The following RFX4 variants were observed in gnomAD, a reference collection of about 807,000 sequenced individuals.
RFX4 encodes the protein transcription factor RFX4.
In RFX4, 10 loss-of-function variants were observed where a neutral mutation model predicts 95.0. The ratio of observed to expected loss-of-function variants is 0.11; its 90% confidence interval spans 0.06 to 0.18. The LOEUF (loss-of-function observed/expected upper bound fraction) is 0.18, where lower values mean the gene tolerates loss of function less well. RFX4 is among the 10% of genes least tolerant of loss of function. The pLI is 1.00. For missense variants in RFX4, 640 were observed against 922.0 expected (o/e 0.69, Z 3.96); for synonymous variants, 321 against 340.7 (o/e 0.94, Z 0.64).
At chr12:106,644,425 G>C (rs1035352731) in intron 3 of RFX4, among the ~76,000 whole-genome samples, 1 of 151,984 alleles carries the variant, frequency 6.6e-6, no homozygotes, top group Non-Finnish European at 1.5e-5. Flanking sequence ...TAGAGATGGG[G>C]TTTTACCATG....
chr12:106,699,240 T>G (rs2041941680), intron 8 of RFX4, among the ~76,000 whole-genome samples: 1 of 152,174 alleles, frequency 6.6e-6, no homozygotes, highest in Non-Finnish European at 1.5e-5. Context: ...ATTAATAATT[T>G]CTAGTTTAAT....
intron 2 of RFX4, among the ~76,000 whole-genome samples, chr12:106,624,615 C>T (rs1192445211): frequency 6.6e-6 from 1 of 152,154 alleles, no homozygotes; most frequent in Non-Finnish European, 1.5e-5. Flanking sequence ...GCGTGAGCCA[C>T]CTCGCCCGGG....
chr12:106,720,124 C>A lies in RFX4; in HGVS notation c.1233+70C>A. 1.5e-6 allele frequency: 2 copies of A among 1,292,674 alleles called. No individual in the cohort carries two copies. The highest frequency in any genetic ancestry group is 2.2e-6 in the Non-Finnish European group (2 of 889,210). The allele number at this position is 1,292,674 out of a possible 1,614,324, so 80.1% of individuals were successfully genotyped here. On this transcript the variant is annotated intron_variant, in intron 12 of 17. Coordinates refer to ENST00000392842, the MANE Select transcript of RFX4 (RefSeq NM_213594.3). The surrounding 1 kb of genome is among the most constrained non-coding windows in gnomAD (Gnocchi z 4.2). ...CACCACTGCCCTCTGTGAACTTGGC[C>A]AAGACAAAGCCCTATGGTAAGCTAT...
intron 1 of RFX4, among the ~76,000 whole-genome samples, chr12:106,604,716 G>A (rs535307730): frequency 4.4e-4 from 67 of 152,220 alleles, no homozygotes; most frequent in African/African-American, 1.6e-3. Flanking sequence ...GAATAAAACG[G>A]GCTCCATTAT....
At chr12:106,651,094 C>T (rs2040848882) in intron 3 of RFX4, among the ~76,000 whole-genome samples, 1 of 152,030 alleles carries the variant, frequency 6.6e-6, no homozygotes, top group African/African-American at 2.4e-5. Context: ...TTAAAGACTC[C>T]CTCCACCTCC....
intron 1 of RFX4, chr12:106,601,223 CGCCACT>C: frequency 1.3e-5 from 20 of 1,548,922 alleles, no homozygotes; most frequent in Non-Finnish European, 1.7e-5. Flanking sequence ...TCCTGTGTGT[CGCCACT>C]GCCACCGGCA....
chr12:106,700,438 G>A (rs1479241990), intron 8 of RFX4, among the ~76,000 whole-genome samples: 22 of 124,996 alleles, frequency 1.8e-4, no homozygotes, highest in African/African-American at 5.6e-4. Context: ...ACGGAGTCTC[G>A]CTCTGTCGCC....
At chr12:106,655,824 G>C (rs1410378012) in intron 4 of RFX4, among the ~76,000 whole-genome samples, 4 of 152,182 alleles carry the variant, frequency 2.6e-5, no homozygotes. Flanking sequence ...TGTTTACTCA[G>C]TCATCCAATA....
intron 8 of RFX4, 31 bp downstream of exon 8, chr12:106,696,477 G>T (rs747968323): frequency 6.2e-7 from 1 of 1,612,378 alleles, no homozygotes; most frequent in East Asian, 2.2e-5. Context: ...CTTCCTTCAC[G>T]GCTGGTCCAC....
chr12:106,758,301 C>G (rs534042701), intron 17 of RFX4, among the ~76,000 whole-genome samples: 7 of 152,330 alleles, frequency 4.6e-5, no homozygotes, highest in Admixed American at 2.0e-4. Flanking sequence ...TCAATGGTCT[C>G]TTCACTACAG....
At chr12:106,759,180 G>A (rs2043166203) in intron 17 of RFX4, among the ~76,000 whole-genome samples, 1 of 152,210 alleles carries the variant, frequency 6.6e-6, no homozygotes, top group South Asian at 2.1e-4. Flanking sequence ...GTCTCTCCGA[G>A]GAGGTGACAT....
At chr12:106,594,867 CAG>C (rs2039595977) in intron 1 of RFX4, among the ~76,000 whole-genome samples, 1 of 149,986 alleles carries the variant, frequency 6.7e-6, no homozygotes, top group Non-Finnish European at 1.5e-5. Context: ...TGATGATAAA[CAG>C]AGCATTTTGA....
At chr12:106,721,062 A>G (rs1349664562) in intron 13 of RFX4, among the ~76,000 whole-genome samples, 186 bp downstream of exon 13, 1 of 152,190 alleles carries the variant, frequency 6.6e-6, no homozygotes, top group Non-Finnish European at 1.5e-5. Flanking sequence ...CTAAAGGTGG[A>G]GTATCAATCT....
chr12:106,742,299 G>T (rs1046917568), intron 15 of RFX4, among the ~76,000 whole-genome samples: 1 of 151,980 alleles, frequency 6.6e-6, no homozygotes, highest in Non-Finnish European at 1.5e-5. Flanking sequence ...TGATCCTCCC[G>T]CCTCAGCTTC....
intron 2 of RFX4, among the ~76,000 whole-genome samples, chr12:106,619,069 G>C (rs1181729149): frequency 6.6e-6 from 1 of 152,074 alleles, no homozygotes; most frequent in East Asian, 1.9e-4. Flanking sequence ...CTGAGCTCTG[G>C]TTTTAATGGA....
At chr12:106,668,448 C>T (rs2041218838) in intron 4 of RFX4, among the ~76,000 whole-genome samples, 1 of 152,090 alleles carries the variant, frequency 6.6e-6, no homozygotes, top group Non-Finnish European at 1.5e-5. Context: ...CGGTTTGAGC[C>T]AGGTGCAATG....
intron 15 of RFX4, among the ~76,000 whole-genome samples, chr12:106,742,299 G>A (rs1046917568): frequency 6.6e-6 from 1 of 151,980 alleles, no homozygotes; most frequent in African/African-American, 2.4e-5. Flanking sequence ...TGATCCTCCC[G>A]CCTCAGCTTC....
At chr12:106,678,046 CA>C (rs2041430893) in intron 4 of RFX4, among the ~76,000 whole-genome samples, 1 of 152,138 alleles carries the variant, frequency 6.6e-6, no homozygotes, top group African/African-American at 2.4e-5. Context: ...TAAAAACCAT[CA>C]GGAATGAAGG....
rs144959241 is a variant in RFX4 at position 106,637,754 on chromosome 12, A to G, written c.131-1578A>G. Among the ~76,000 whole-genome samples, 15 of 152,288 alleles carry G rather than the reference A, an allele frequency of 9.8e-5. No homozygotes were observed. In the East Asian group the frequency reaches 2.9e-3, roughly 29 times the overall value. On this transcript the variant is annotated intron_variant, in intron 2 of 17. Transcript: ENST00000392842. ...GTGACAAATTCTTTTTAGATATGCT[A>G]AAAATTAATCTGTTATTCAGATTGT...
Sources: gnomAD v4.1 joint callset for allele counts (sites outside exome capture counted in the v4.1 genomes callset) on GRCh38, gnomAD v4.1.1 for gene constraint, Gnocchi (gnomAD v3.1) non-coding constraint, MANE v1.5 for transcripts, NCBI Gene and HGNC (gene_info 2026-07-23, HGNC 2026-07-21) for gene names.